HHAT: variants seen among roughly 807,000 people sequenced by gnomAD.
The protein encoded by HHAT is hedgehog acyltransferase.
In HHAT, 47 loss-of-function variants were observed where a neutral mutation model predicts 70.8. The observed-to-expected ratio is 0.66, with a 90% CI of 0.53 to 0.85. The LOEUF is 0.85. Among genes scored for constraint, HHAT ranks in the 40% least tolerant of loss-of-function variants. The pLI, the probability that HHAT is intolerant of heterozygous loss-of-function variation, is 0.00. For synonymous variants in HHAT, 228 were observed against 247.6 expected, an observed-to-expected ratio of 0.92 and a Z score of 0.74; for missense variants, 609 against 604.8, an observed-to-expected ratio of 1.01 and a Z score of -0.07.
At chr1:210,489,167 T>A (rs150034753) in intron 8 of HHAT, among the ~76,000 whole-genome samples, 2,516 of 152,342 alleles carry the variant, frequency 0.017, 34 homozygotes, top group Middle Eastern at 0.031. Flanking sequence ...AGGGTACAAC[T>A]TTATTTAAAT....
chr1:210,482,284 C>T (rs2094409085), intron 8 of HHAT, among the ~76,000 whole-genome samples: 1 of 152,146 alleles, frequency 6.6e-6, no homozygotes, highest in African/African-American at 2.4e-5. Flanking sequence ...AACTCAGCCA[C>T]CTTTCTGGAA....
chr1:210,568,252 C>T lies in HHAT; in HGVS notation c.1044-19646C>T, dbSNP rs76497744. Among the ~76,000 whole-genome samples the T allele has an allele frequency of 3.3e-5, 5 of 152,046 alleles. No homozygotes were observed. The East Asian group carries it at 5.8e-4, about 18-fold the overall frequency. On this transcript the variant is annotated intron_variant, in intron 9 of 11. Transcript: ENST00000261458. ...GAAGGCTCTTGGAGGGTGGTACACC[C>T]GGGGAGGGCATGTAAGTTCTGAGCT...
At chr1:210,466,112 C>A (rs72747429) in intron 8 of HHAT, among the ~76,000 whole-genome samples, 2 of 119,968 alleles carry the variant, frequency 1.7e-5, no homozygotes, top group African/African-American at 3.5e-5. Flanking sequence ...TGCAAGGAAT[C>A]GCAAGGAATC....
At chr1:210,333,232 CTG>C (rs3033351) in intron 1 of HHAT, among the ~76,000 whole-genome samples, 63 of 152,246 alleles carry the variant, frequency 4.1e-4, no homozygotes, top group African/African-American at 1.5e-3. Context: ...ATTATGGTCT[CTG>C]TGTAGTCAAA....
chr1:210,397,531 T>C (rs1188359273), intron 4 of HHAT, among the ~76,000 whole-genome samples: 2 of 150,226 alleles, frequency 1.3e-5, no homozygotes, highest in Non-Finnish European at 2.9e-5. Context: ...GTCAGAAGTG[T>C]TGTTTTGGAA....
chr1:210,638,775 T>G (rs902915933), intron 11 of HHAT, among the ~76,000 whole-genome samples: 1 of 149,354 alleles, frequency 6.7e-6, no homozygotes, highest in Non-Finnish European at 1.5e-5. Context: ...TGTGGTGGCA[T>G]GTGCCTGTAG....
intron 4 of HHAT, among the ~76,000 whole-genome samples, chr1:210,393,102 C>G (rs1017969311): frequency 1.3e-5 from 2 of 152,084 alleles, no homozygotes; most frequent in African/African-American, 4.8e-5. Context: ...CTGAATATCT[C>G]TAAGGCTGCT....
chr1:210,644,743 C>T lies in HHAT; in HGVS notation c.1390+21073C>T, dbSNP rs544365432. Among the ~76,000 whole-genome samples the T allele has an allele frequency of 6.6e-5, 10 of 152,000 alleles. No homozygotes were observed. The East Asian group carries it at 1.9e-3, about 29-fold the overall frequency. On this transcript the variant is annotated intron_variant, in intron 11 of 11. Coordinates refer to ENST00000261458, the MANE Select transcript of HHAT (RefSeq NM_018194.6). The stretch of plus-strand genomic sequence containing the variant: ...TTTGGAAATTTATGGTATACATTGG[C>T]ACTTTTGCCATATAGTAAGGAGAGT...
At chr1:210,611,742 T>G (rs1183066584) in intron 10 of HHAT, among the ~76,000 whole-genome samples, 1 of 152,232 alleles carries the variant, frequency 6.6e-6, no homozygotes, top group Non-Finnish European at 1.5e-5. Flanking sequence ...CGAAGGCCTT[T>G]TCTGCATCTA....
intron 11 of HHAT, among the ~76,000 whole-genome samples, chr1:210,653,851 A>G (rs550082963): frequency 0.05 from 1 of 20 alleles, no homozygotes; most frequent in South Asian, 0.25. Context: ...GAGGGTCTTC[A>G]TGGAGGATGG....
intron 10 of HHAT, chr1:210,589,225 A>G (rs1450063623): frequency 2.0e-5 from 3 of 152,244 alleles, no homozygotes; most frequent in Non-Finnish European, 4.4e-5. Flanking sequence ...ATACATTTAC[A>G]TATGTTTTTA....
intron 9 of HHAT, among the ~76,000 whole-genome samples, chr1:210,568,324 G>A (rs1276634213): frequency 6.6e-6 from 1 of 152,184 alleles, no homozygotes; most frequent in African/African-American, 2.4e-5. Context: ...TCTATCTTTT[G>A]TGATAATCTT....
chr1:210,508,198 C>CAAAAAAA (rs10656040), intron 8 of HHAT, among the ~76,000 whole-genome samples: 101 of 89,170 alleles, frequency 1.1e-3, no homozygotes, highest in Admixed American at 1.6e-3. Flanking sequence ...GACTCCTTCT[C>CAAAAAAA]AAAAAAAAAA....
chr1:210,665,800 T>C (rs1678766104), intron 11 of HHAT, among the ~76,000 whole-genome samples: 2 of 152,204 alleles, frequency 1.3e-5, no homozygotes, highest in African/African-American at 4.8e-5. Context: ...CACTATTGGA[T>C]TGAAATCAAA....
In HHAT at chr1:210,625,461, C is replaced by G. The variant is rs538573815; in HGVS notation, c.1390+1791C>G. ...ACAGAGATGAAAAAGGAAGCTCACA[C>G]GAATGTGAGTGCCAAACACACAAAA... is the stretch of plus-strand genomic sequence containing the variant. On this transcript the variant is annotated intron_variant, in intron 11 of 11. Transcript: ENST00000261458. Among the ~76,000 whole-genome samples the G allele has an allele frequency of 2.6e-5, 4 of 152,252 alleles. 1 individual carries two copies. The East Asian group carries it at 7.7e-4, about 29-fold the overall frequency.
intron 8 of HHAT, among the ~76,000 whole-genome samples, chr1:210,488,056 T>G (rs1215702905): frequency 6.6e-6 from 1 of 152,226 alleles, no homozygotes. Context: ...ATTAAAATTA[T>G]TTTTCCTCTG....
chr1:210,669,065 G>A (rs1253716911), intron 11 of HHAT, among the ~76,000 whole-genome samples: 3 of 152,152 alleles, frequency 2.0e-5, no homozygotes, highest in Non-Finnish European at 2.9e-5. Context: ...GAGCCACCGC[G>A]CCTGGCCACA....
At chr1:210,374,129 TA>T (rs1558383279) in intron 3 of HHAT, 1 of 152,202 alleles carries the variant, frequency 6.6e-6, no homozygotes, top group East Asian at 1.9e-4. Flanking sequence ...TTTTCCTCTT[TA>T]AGTCTTTTTT....
At chr1:210,482,544 T>G (rs2094412968) in intron 8 of HHAT, among the ~76,000 whole-genome samples, 1 of 152,210 alleles carries the variant, frequency 6.6e-6, no homozygotes, top group African/African-American at 2.4e-5. Context: ...AAGTTTCAGC[T>G]TTCTTTTTTA....
Sources: gnomAD v4.1 joint callset for allele counts (sites outside exome capture counted in the v4.1 genomes callset) on GRCh38, gnomAD v4.1.1 for gene constraint, MANE v1.5 for transcripts, NCBI Gene and HGNC (gene_info 2026-07-23, HGNC 2026-07-21) for gene names.